Variants in ARHGEF33 observed in about 807,000 individuals in gnomAD.
ARHGEF33 encodes DH and coiled-coil domain-containing protein ENSP00000381780.
A neutral mutation model predicts 101.9 loss-of-function variants in ARHGEF33; 72 were observed. The ratio of observed to expected loss-of-function variants is 0.71; its 90% CI spans 0.58 to 0.86. The LOEUF is 0.86. Among genes scored for constraint, ARHGEF33 ranks in the 40% least tolerant of loss-of-function variants. The pLI is 0.00. For missense variants in ARHGEF33, 1,169 were observed against 1,111.3 expected (o/e 1.05, Z -0.74); for synonymous variants, 499 against 442.5 (o/e 1.13, Z -1.60).
At position 38,950,512 on chromosome 2, in the gene ARHGEF33, C is replaced by T. The variant is rs114962859; in HGVS notation, c.921-477C>T. 8.5e-3 allele frequency among the ~76,000 whole-genome samples: 1,299 copies of T among 152,230 alleles called. 28 individuals carry two copies. The highest frequency in any genetic ancestry group is 0.072 in the East Asian group (374 of 5,186). ...TGTTACCCAGGCTGGGGTGAAGTGGCGTGATCTGAGCTCACTGCAACCTGT... is the reference window on the plus strand; with the variant it reads ...TGTTACCCAGGCTGGGGTGAAGTGGTGTGATCTGAGCTCACTGCAACCTGT... On this transcript the variant is annotated intron_variant, in intron 10 of 17. Coordinates refer to ENST00000409978, the MANE Select transcript of ARHGEF33 (RefSeq NM_001145451.5).
At chr2:38,912,457 G>A (rs971081050) in intron 2 of ARHGEF33, among the ~76,000 whole-genome samples, 2 of 152,108 alleles carry the variant, frequency 1.3e-5, no homozygotes. Flanking sequence ...CTGTTATTAA[G>A]CTCCCTTTTA....
intron 2 of ARHGEF33, among the ~76,000 whole-genome samples, chr2:38,916,389 T>C (rs1326671557): frequency 6.6e-6 from 1 of 152,242 alleles, no homozygotes; most frequent in Non-Finnish European, 1.5e-5. Context: ...TTGGATAGAA[T>C]AATTTTCTCA....
At chr2:38,956,265 C>G (rs1339243760) in intron 13 of ARHGEF33, among the ~76,000 whole-genome samples, 1 of 152,144 alleles carries the variant, frequency 6.6e-6, no homozygotes, top group Non-Finnish European at 1.5e-5. Context: ...GATGTGTGAC[C>G]TGATGAAGAT....
At chr2:38,895,056 C>T (rs1251051119) in intron 1 of ARHGEF33, among the ~76,000 whole-genome samples, 8 of 152,090 alleles carry the variant, frequency 5.3e-5, no homozygotes, top group African/African-American at 1.9e-4. Flanking sequence ...AAAAGGTGAC[C>T]AAGTAAGGCT....
chr2:38,958,333 A>T lies in ARHGEF33; in HGVS notation c.1535+135A>T, dbSNP rs569356902. ...CCTATATGTGCCAACCAAGCAGCCA[A>T]CCCGATTCTTGGGTCCCAGAGGAAG... is the stretch of plus-strand genomic sequence containing the variant. On this transcript the variant is annotated intron_variant, in intron 15 of 17. Coordinates refer to ENST00000409978, the MANE Select transcript of ARHGEF33 (RefSeq NM_001145451.5). The T allele has an allele frequency of 5.2e-6, 6 of 1,145,190 alleles. No homozygotes were observed. The Admixed American group carries it at 1.6e-4, about 30-fold the overall frequency. The allele number at this position is 1,145,190 out of a possible 1,614,324, so 70.9% of individuals were successfully genotyped here.
intron 7 of ARHGEF33, among the ~76,000 whole-genome samples, chr2:38,934,038 A>G (rs1323349157): frequency 6.6e-6 from 1 of 152,166 alleles, no homozygotes; most frequent in Admixed American, 6.5e-5. Flanking sequence ...CTCCTGACAT[A>G]TTCTTGCTTG....
intron 6 of ARHGEF33, among the ~76,000 whole-genome samples, chr2:38,930,354 CTT>C (rs879653317): frequency 7.0e-5 from 10 of 141,876 alleles, no homozygotes; most frequent in Non-Finnish European, 4.6e-5. Context: ...TCTTTCTTTT[CTT>C]TTTTTTTTTT....
At chr2:38,912,679 T>C (rs1666533714) in intron 2 of ARHGEF33, among the ~76,000 whole-genome samples, 1 of 152,154 alleles carries the variant, frequency 6.6e-6, no homozygotes, top group Non-Finnish European at 1.5e-5. Context: ...CAAGCAACTA[T>C]TTCTTAGTCA....
intron 2 of ARHGEF33, among the ~76,000 whole-genome samples, chr2:38,911,341 A>C (rs538253563): frequency 5.3e-5 from 8 of 152,292 alleles, no homozygotes; most frequent in African/African-American, 1.9e-4. Flanking sequence ...AGAAATGTGC[A>C]CTAAAGACCC....
Position 38,959,987 on chromosome 2 carries a change from C to T in ARHGEF33, c.1682C>T (p.Ala561Val). 6.4e-7 allele frequency: 1 copy of T among 1,550,776 alleles called. No individual in the cohort carries two copies. Among genetic ancestry groups the T allele is most frequent in the Non-Finnish European group, 8.7e-7 (1 of 1,146,678 alleles). ...CTGGCACCGACGCAGTTCTGCGCGG[C>T]CGAGCAGGACGTGAAGGCGCTGGCC... ...SLLAPTQFCA[A>V]EQDVKALAGP... The change falls in exon 16 of 18, where the codon GCC becomes GTC. Residue 561 changes from alanine (A) to valine (V), a missense_variant. Coordinates refer to ENST00000409978, the MANE Select transcript of ARHGEF33 (RefSeq NM_001145451.5).
intron 10 of ARHGEF33, among the ~76,000 whole-genome samples, chr2:38,946,278 C>T (rs916194730): frequency 4.6e-5 from 7 of 152,120 alleles, no homozygotes; most frequent in Admixed American, 3.9e-4. Flanking sequence ...TCTCTTATGA[C>T]CCATCACTGG....
chr2:38,917,331 A>T (rs924352751), intron 2 of ARHGEF33, among the ~76,000 whole-genome samples: 1 of 151,980 alleles, frequency 6.6e-6, no homozygotes, highest in Non-Finnish European at 1.5e-5. Flanking sequence ...ACCTCAAGTG[A>T]TCCGCCCACC....
chr2:38,899,142 C>G (rs955325307), intron 2 of ARHGEF33, among the ~76,000 whole-genome samples: 1 of 151,954 alleles, frequency 6.6e-6, no homozygotes, highest in Non-Finnish European at 1.5e-5. Flanking sequence ...AAATTCAACT[C>G]AAACTTGTGT....
chr2:38,959,942 A>C lies in ARHGEF33; in HGVS notation c.1637A>C (p.His546Pro), dbSNP rs1667871282. The change falls in exon 16 of 18, where the codon CAC becomes CCC. Residue 546 changes from histidine to proline, a missense_variant. By Grantham distance (77) the His-to-Pro change is moderately conservative (BLOSUM62 -2). Transcript: ENST00000409978. Reference sequence around the variant, plus strand: ...GACTGGGAGCTGGAGGGCAGGAAGCACGAGCGGCCCGAGAGCCTTCTGGCA... The same window carrying C: ...GACTGGGAGCTGGAGGGCAGGAAGCCCGAGCGGCCCGAGAGCCTTCTGGCA... ...PSDWELEGRKHERPESLLAPT... is the reference protein window; with the variant it reads ...PSDWELEGRKPERPESLLAPT... 1 of 1,551,628 alleles carries C rather than the reference A, an allele frequency of 6.4e-7. No homozygotes were observed. Among genetic ancestry groups the C allele is most frequent in the East Asian group, 2.4e-5 (1 of 40,892 alleles).
At chr2:38,942,787 A>T (rs1343298257) in intron 9 of ARHGEF33, among the ~76,000 whole-genome samples, 4 of 152,182 alleles carry the variant, frequency 2.6e-5, no homozygotes, top group Non-Finnish European at 5.9e-5. Context: ...GCTTTATGCA[A>T]ATGTATGAGC....
chr2:38,930,624 G>A (rs1666977984), intron 6 of ARHGEF33, among the ~76,000 whole-genome samples: 1 of 152,202 alleles, frequency 6.6e-6, no homozygotes, highest in Non-Finnish European at 1.5e-5. Context: ...GGGATTACAG[G>A]CATGAGCCAC....
At position 38,975,450 on chromosome 2, in the gene ARHGEF33, T is replaced by C. The variant is rs139999950; in HGVS notation, c.*1607T>C. Reference sequence around the variant, plus strand: ...TCTATTAAATAAAATGTTAACATAATAAAATTCTTTTCCCTTTCATCTTCT... The same window carrying C: ...TCTATTAAATAAAATGTTAACATAACAAAATTCTTTTCCCTTTCATCTTCT... On this transcript the variant is annotated 3_prime_UTR_variant, in exon 18 of 18. Transcript: ENST00000409978. 1 of 152,334 alleles carries C rather than the reference T, an allele frequency of 6.6e-6. No individual in the cohort carries two copies. Among genetic ancestry groups the C allele is most frequent in the Non-Finnish European group, 1.5e-5 (1 of 68,028 alleles). 9.4% of individuals were successfully genotyped at this position (152,334 alleles called of 1,614,324 possible). A position where few individuals can be genotyped will look rare whatever the true frequency, so the allele number is the denominator to read the frequency against.
chr2:38,935,269 C>G (rs924118402), intron 7 of ARHGEF33, among the ~76,000 whole-genome samples: 9 of 151,672 alleles, frequency 5.9e-5, no homozygotes, highest in Admixed American at 5.9e-4. Flanking sequence ...CAGCCCCAAC[C>G]TCCTGGGTTC....
chr2:38,964,638 G>A (rs1305987622), intron 16 of ARHGEF33, among the ~76,000 whole-genome samples: 2 of 151,438 alleles, frequency 1.3e-5, no homozygotes, highest in Non-Finnish European at 2.9e-5. Flanking sequence ...CTGACAGAAG[G>A]TGGAGCTCAG....
Sources: gnomAD v4.1 joint callset for allele counts (sites outside exome capture counted in the v4.1 genomes callset) on GRCh38, gnomAD v4.1.1 for gene constraint, MANE v1.5 for transcripts, NCBI Gene and HGNC (gene_info 2026-07-23, HGNC 2026-07-21) for gene names.